The following RGS22 variants were observed in gnomAD, a reference collection of about 807,000 sequenced individuals.
The protein encoded by RGS22 is regulator of G protein signaling 22.
RGS22 carries 148 observed loss-of-function variants against 172.9 expected under a neutral mutation model. That is an observed-to-expected ratio of 0.86 (90% CI 0.75 to 0.98). The LOEUF is 0.98. RGS22 is among the 50% of genes least tolerant of loss of function. RGS22 has a pLI of 0.00. For missense variants in RGS22, 1,347 were observed against 1,440.8 expected (o/e 0.93, Z 1.05); for synonymous variants, 458 against 480.2 (o/e 0.95, Z 0.60).
chr8:99,971,760 A>T (rs895693032), intron 23 of RGS22, among the ~76,000 whole-genome samples: 2 of 152,358 alleles, frequency 1.3e-5, no homozygotes, highest in African/African-American at 2.4e-5. Flanking sequence ...TTCCATGCTC[A>T]TGGATAGGAA....
chr8:100,043,309 T>C (rs1037829856), intron 11 of RGS22, among the ~76,000 whole-genome samples: 4 of 145,674 alleles, frequency 2.7e-5, no homozygotes, highest in Non-Finnish European at 6.0e-5. Context: ...CCCTTGGCTC[T>C]TGAACCTGTC....
intron 21 of RGS22, among the ~76,000 whole-genome samples, 155 bp from the exon 22 acceptor site, chr8:99,982,271 A>G (rs1212808342): frequency 6.6e-6 from 1 of 152,178 alleles, no homozygotes; most frequent in African/African-American, 2.4e-5. Flanking sequence ...AAAATTACAG[A>G]TTTTCTTTCT....
intron 10 of RGS22, among the ~76,000 whole-genome samples, chr8:100,051,953 A>C (rs1821603830): frequency 2.0e-5 from 1 of 49,706 alleles, no homozygotes; most frequent in Non-Finnish European, 3.2e-5. Context: ...ATTTATATAT[A>C]AATGTTTATA....
At chr8:100,037,821 G>GTTT in intron 14 of RGS22, among the ~76,000 whole-genome samples, 1 of 152,248 alleles carries the variant, frequency 6.6e-6, no homozygotes, top group South Asian at 2.1e-4. Flanking sequence ...ATAGTCAACT[G>GTTT]GGTGGTCTCA....
chr8:100,012,348 T>C (rs185668261), intron 14 of RGS22, among the ~76,000 whole-genome samples: 151 of 152,138 alleles, frequency 9.9e-4, no homozygotes, highest in Non-Finnish European at 1.9e-3. Flanking sequence ...TCAATAGATA[T>C]TTGCTGAGTA....
At chr8:100,008,731 A>G (rs1816027340) in intron 14 of RGS22, among the ~76,000 whole-genome samples, 162 bp from the exon 15 acceptor site, 1 of 152,216 alleles carries the variant, frequency 6.6e-6, no homozygotes, top group South Asian at 2.1e-4. Flanking sequence ...GAAGCAATGC[A>G]TCTATTCGAA....
chr8:100,016,136 A>G (rs1266602484), intron 14 of RGS22, among the ~76,000 whole-genome samples: 1 of 152,258 alleles, frequency 6.6e-6, no homozygotes, highest in Non-Finnish European at 1.5e-5. Flanking sequence ...AAATAACGCA[A>G]AGAAAAGCAG....
At chr8:100,095,787 A>G (rs1269525491) in intron 2 of RGS22, among the ~76,000 whole-genome samples, 6 of 152,212 alleles carry the variant, frequency 3.9e-5, no homozygotes. Context: ...GCACTTACAG[A>G]AAACTATGAA....
chr8:99,991,460 C>T (rs545778917), intron 20 of RGS22, among the ~76,000 whole-genome samples: 4 of 152,094 alleles, frequency 2.6e-5, no homozygotes, highest in African/African-American at 4.8e-5. Flanking sequence ...ACGAGAACTT[C>T]GCGACGCATG....
chr8:100,033,878 A>T (rs1353430972), intron 14 of RGS22, among the ~76,000 whole-genome samples: 1 of 152,244 alleles, frequency 6.6e-6, no homozygotes, highest in Non-Finnish European at 1.5e-5. Flanking sequence ...TGATTATCTC[A>T]ATAGATGCAG....
At chr8:100,043,026 C>T (rs935651402) in intron 11 of RGS22, among the ~76,000 whole-genome samples, 1 of 152,166 alleles carries the variant, frequency 6.6e-6, no homozygotes, top group Non-Finnish European at 1.5e-5. Flanking sequence ...CACTGCTGAC[C>T]ATGAGGGAAA....
chr8:100,036,042 C>T (rs1704175637), intron 14 of RGS22, among the ~76,000 whole-genome samples: 1 of 151,800 alleles, frequency 6.6e-6, no homozygotes, highest in African/African-American at 2.4e-5. Flanking sequence ...ACCAACATGG[C>T]ATATGTAGAC....
chr8:100,087,705 C>T (rs1812265751), intron 3 of RGS22, among the ~76,000 whole-genome samples: 1 of 152,130 alleles, frequency 6.6e-6, no homozygotes, highest in Admixed American at 6.6e-5. Flanking sequence ...TTTAAACATG[C>T]ATCCCTAGTC....
chr8:100,057,022 A>G (rs1336283219), intron 9 of RGS22, among the ~76,000 whole-genome samples: 1 of 152,240 alleles, frequency 6.6e-6, no homozygotes, highest in Non-Finnish European at 1.5e-5. Flanking sequence ...GCAAAGCCAC[A>G]GGGGCAGAGC....
At chr8:100,060,198 G>A (rs1413924992) in intron 9 of RGS22, among the ~76,000 whole-genome samples, 1 of 151,604 alleles carries the variant, frequency 6.6e-6, no homozygotes, top group Admixed American at 6.6e-5. Flanking sequence ...AAGTTCCCAG[G>A]TAAAATATTA....
intron 15 of RGS22, among the ~76,000 whole-genome samples, chr8:100,006,504 T>C (rs903622200): frequency 1.3e-5 from 2 of 152,218 alleles, no homozygotes; most frequent in African/African-American, 2.4e-5. Context: ...GTTATTAGTA[T>C]GTGAGCAAAG....
At chr8:100,080,404 T>A (rs1423327250) in intron 3 of RGS22, 49 bp from the exon 4 acceptor site, 26 of 1,346,920 alleles carry the variant, frequency 1.9e-5, no homozygotes, top group Non-Finnish European at 2.2e-5. Context: ...ACCTGGAAAC[T>A]CATGGTCTCT....
At chr8:100,015,232 A>T (rs1816816305) in intron 14 of RGS22, among the ~76,000 whole-genome samples, 1 of 152,186 alleles carries the variant, frequency 6.6e-6, no homozygotes, top group South Asian at 2.1e-4. Flanking sequence ...ATAGCAAATT[A>T]TCCTTTCCTA....
chr8:100,088,101 C>T (rs1365437068), intron 3 of RGS22, among the ~76,000 whole-genome samples: 1 of 152,056 alleles, frequency 6.6e-6, no homozygotes, highest in Non-Finnish European at 1.5e-5. Context: ...TCTCTTTCTC[C>T]CCACTGGCCC....
Sources: gnomAD v4.1 joint callset for allele counts (sites outside exome capture counted in the v4.1 genomes callset) on GRCh38, gnomAD v4.1.1 for gene constraint, MANE v1.5 for transcripts, NCBI Gene and HGNC (gene_info 2026-07-23, HGNC 2026-07-21) for gene names.